MAPK10: variants seen among roughly 807,000 people sequenced by gnomAD.
MAPK10 encodes the protein JNK3 alpha protein kinase.
Under a neutral mutation model 59.3 loss-of-function variants are expected in MAPK10, and 25 were observed. The ratio of observed to expected loss-of-function variants is 0.42; its 90% confidence interval spans 0.31 to 0.59. MAPK10 has a LOEUF of 0.59. Among genes scored for constraint, MAPK10 ranks in the 20% least tolerant of loss-of-function variants. The pLI, the probability that MAPK10 is intolerant of heterozygous loss-of-function variation, is 0.15. For missense variants in MAPK10, 351 were observed against 568.9 expected (o/e 0.62, Z 3.90); for synonymous variants, 190 against 200.5 (o/e 0.95, Z 0.44).
At chr4:86,121,197 T>A (rs1052266143) in intron 4 of MAPK10, among the ~76,000 whole-genome samples, 1 of 152,314 alleles carries the variant, frequency 6.6e-6, no homozygotes, top group South Asian at 2.1e-4. Flanking sequence ...GGGCAGCTTA[T>A]AAACAGCAGA....
At chr4:86,035,458 C>T (rs112869511) in intron 11 of MAPK10, among the ~76,000 whole-genome samples, 4,734 of 144,436 alleles carry the variant, frequency 0.033, 220 homozygotes, top group East Asian at 0.1. Context: ...TGTAAGAGAA[C>T]GGAACAGTGA....
chr4:86,458,588 G>T (rs987161458), intron 1 of MAPK10, among the ~76,000 whole-genome samples: 1 of 152,132 alleles, frequency 6.6e-6, no homozygotes, highest in African/African-American at 2.4e-5. Flanking sequence ...CAATGTAATA[G>T]AATAGAAAAC....
intron 1 of MAPK10, among the ~76,000 whole-genome samples, chr4:86,357,304 G>A (rs1365751609): frequency 1.3e-5 from 2 of 152,316 alleles, no homozygotes; most frequent in Admixed American, 1.3e-4. Flanking sequence ...TACCCAATTT[G>A]TCTTTAGCTT....
intron 2 of MAPK10, among the ~76,000 whole-genome samples, chr4:86,316,356 A>G (rs541862583): frequency 6.6e-6 from 1 of 152,264 alleles, no homozygotes; most frequent in South Asian, 2.1e-4. Flanking sequence ...CTTAAAACCA[A>G]CTTTTTCTTA....
intron 1 of MAPK10, among the ~76,000 whole-genome samples, chr4:86,508,768 T>C (rs1755987148): frequency 6.6e-6 from 1 of 152,216 alleles, no homozygotes; most frequent in Non-Finnish European, 1.5e-5. Flanking sequence ...GTCACCATGA[T>C]CTAAACCACC....
intron 11 of MAPK10, among the ~76,000 whole-genome samples, chr4:86,059,452 T>A (rs947986744): frequency 2.0e-5 from 3 of 152,204 alleles, no homozygotes; most frequent in Non-Finnish European, 4.4e-5. Context: ...TGTTGACTAT[T>A]CTGGGCTCAT....
At chr4:86,560,268 T>A (rs1331358477) in intron 1 of MAPK10, among the ~76,000 whole-genome samples, 2 of 152,218 alleles carry the variant, frequency 1.3e-5, no homozygotes, top group Admixed American at 6.5e-5. Flanking sequence ...AGAGTGAGAC[T>A]CGTTAGCAAA....
chr4:86,067,647 T>C lies in MAPK10; in HGVS notation c.985+126A>G, dbSNP rs1056250331. 7 of 788,978 alleles carry C rather than the reference T, an allele frequency of 8.9e-6. No individual in the cohort carries two copies. In the African/African-American group the frequency reaches 1.0e-4, roughly 12 times the overall value. 48.9% of individuals were successfully genotyped at this position (788,978 alleles called of 1,614,324 possible). A position where few individuals can be genotyped will look rare whatever the true frequency, so the allele number is the denominator to read the frequency against. On this transcript the variant is annotated intron_variant, in intron 10 of 13. Coordinates refer to ENST00000641462, the MANE Select transcript of MAPK10 (RefSeq NM_138982.4). The stretch of plus-strand genomic sequence containing the variant: ...TACCACCCTATATCCCACAAAAATG[T>C]ACGATTATCATGTGTCAACTAAAAA...
At chr4:86,136,519 G>T (rs189088353) in intron 4 of MAPK10, among the ~76,000 whole-genome samples, 36 of 149,740 alleles carry the variant, frequency 2.4e-4, no homozygotes, top group Admixed American at 1.9e-3. Context: ...TGCCCTAAAA[G>T]AGCTCCTGAA....
At chr4:86,509,851 T>C (rs1397961839) in intron 1 of MAPK10, among the ~76,000 whole-genome samples, 1 of 152,216 alleles carries the variant, frequency 6.6e-6, no homozygotes, top group East Asian at 1.9e-4. Context: ...TGTATTACTA[T>C]GCTTTACTAT....
chr4:86,194,480 C>T, intron 2 of MAPK10, 73 bp from the exon 3 acceptor site: 4 of 922,938 alleles, frequency 4.3e-6, no homozygotes, highest in Non-Finnish European at 5.4e-6. Flanking sequence ...TAGATTTTGG[C>T]ATAATTTGAG....
At chr4:86,518,135 G>C (rs1756838500) in intron 1 of MAPK10, among the ~76,000 whole-genome samples, 1 of 152,126 alleles carries the variant, frequency 6.6e-6, no homozygotes, top group Admixed American at 6.6e-5. Context: ...CGATTTTCCT[G>C]CCTCAGCCAG....
At chr4:86,528,707 T>G (rs1341105967) in intron 1 of MAPK10, among the ~76,000 whole-genome samples, 1 of 152,140 alleles carries the variant, frequency 6.6e-6, no homozygotes, top group Non-Finnish European at 1.5e-5. Context: ...CACACCCAAC[T>G]TAGACACACA....
At chr4:86,194,181 T>A (rs1178291934) in intron 3 of MAPK10, 155 bp downstream of exon 3, 2 of 636,416 alleles carry the variant, frequency 3.1e-6, no homozygotes, top group African/African-American at 3.6e-5. Flanking sequence ...AGACTGGGGC[T>A]GTTTCTATTC....
At chr4:86,509,244 T>C (rs1381947149) in intron 1 of MAPK10, among the ~76,000 whole-genome samples, 5 of 152,016 alleles carry the variant, frequency 3.3e-5, no homozygotes, top group African/African-American at 1.2e-4. Flanking sequence ...CTTTTGGAAA[T>C]GTAAATTGAG....
intron 1 of MAPK10, among the ~76,000 whole-genome samples, chr4:86,419,726 T>C (rs1172973796): frequency 2.6e-5 from 4 of 152,202 alleles, no homozygotes; most frequent in African/African-American, 4.8e-5. Flanking sequence ...TCAAATCACC[T>C]CTCAGTGTGC....
chr4:86,298,596 G>A (rs2095412590), intron 2 of MAPK10, among the ~76,000 whole-genome samples: 1 of 152,148 alleles, frequency 6.6e-6, no homozygotes, highest in South Asian at 2.1e-4. Flanking sequence ...TGAAGGCAGA[G>A]ACTGTCTCTC....
At chr4:86,453,741 G>A (rs1341394003), upstream of MAPK10, among the ~76,000 whole-genome samples, 1 of 152,020 alleles carries the variant, frequency 6.6e-6, no homozygotes, top group Non-Finnish European at 1.5e-5. Context: ...CCCACTGCCT[G>A]TTCCTCCCCA....
chr4:86,098,992 C>T (rs927612614), intron 8 of MAPK10: 1 of 168,002 alleles, frequency 6.0e-6, no homozygotes. Context: ...GTAGAGTTGG[C>T]TATTTTCATT....
Sources: allele counts gnomAD v4.1 joint callset (sites outside exome capture counted in the v4.1 genomes callset), GRCh38; gene constraint gnomAD v4.1.1; transcripts MANE v1.5; gene names NCBI Gene and HGNC (gene_info 2026-07-23, HGNC 2026-07-21).